The following FBXW8 variants were observed in gnomAD, a reference collection of about 807,000 sequenced individuals.
FBXW8 encodes the protein F-box and WD repeat domain containing 8.
Under a neutral mutation model 65.3 loss-of-function variants are expected in FBXW8, and 57 were observed. The ratio of observed to expected loss-of-function variants is 0.87; its 90% CI spans 0.71 to 1.09. FBXW8 has a LOEUF of 1.09. Among genes scored for constraint, FBXW8 ranks in the 50% least tolerant of loss-of-function variants. The probability of loss-of-function intolerance (pLI) is 0.00; values close to 1 mark genes in which losing one functional copy is unlikely to be tolerated. For missense variants in FBXW8, 777 were observed against 814.8 expected (o/e 0.95, Z 0.57); for synonymous variants, 308 against 330.2 (o/e 0.93, Z 0.73).
intron 2 of FBXW8, among the ~76,000 whole-genome samples, chr12:116,937,986 G>A (rs1395636504): frequency 6.6e-6 from 1 of 152,052 alleles, no homozygotes; most frequent in Non-Finnish European, 1.5e-5. Flanking sequence ...CAACTCTGGT[G>A]TATTAAAGAA....
chr12:116,989,767 T>C (rs1272706172), intron 7 of FBXW8, among the ~76,000 whole-genome samples: 6 of 152,232 alleles, frequency 3.9e-5, no homozygotes, highest in African/African-American at 1.4e-4. Context: ...GTTGGTGGGA[T>C]TCCTGCGAAG....
chr12:116,982,560 AGAT>A (rs1296927831), intron 5 of FBXW8, among the ~76,000 whole-genome samples: 1 of 152,116 alleles, frequency 6.6e-6, no homozygotes, highest in Non-Finnish European at 1.5e-5. Flanking sequence ...AAATCGAAAA[AGAT>A]GAAGACACAA....
At chr12:117,002,203 CG>C (rs1441464805) in intron 7 of FBXW8, among the ~76,000 whole-genome samples, 5 of 152,228 alleles carry the variant, frequency 3.3e-5, no homozygotes. Flanking sequence ...CCTGGAACAG[CG>C]GGGGTTGCAG....
intron 4 of FBXW8, 176 bp downstream of exon 4, chr12:116,949,882 C>T (rs935210779): frequency 4.7e-6 from 3 of 635,470 alleles, no homozygotes; most frequent in African/African-American, 1.8e-5. Context: ...CGTGAGAGCG[C>T]GCAGCAAGGG....
At chr12:117,019,959 G>A (rs1954051932) in intron 8 of FBXW8, among the ~76,000 whole-genome samples, 1 of 152,200 alleles carries the variant, frequency 6.6e-6, no homozygotes. Context: ...GTAGCCTAGA[G>A]GGCGAAGCGC....
At chr12:116,911,577 A>T (rs1326989071) in intron 1 of FBXW8, among the ~76,000 whole-genome samples, 1 of 152,160 alleles carries the variant, frequency 6.6e-6, no homozygotes, top group Non-Finnish European at 1.5e-5. Flanking sequence ...GTCTGCAGAC[A>T]TTTTTGGGTG....
chr12:117,013,945 G>T (rs374903223), intron 8 of FBXW8, among the ~76,000 whole-genome samples: 2 of 151,774 alleles, frequency 1.3e-5, no homozygotes, highest in Non-Finnish European at 2.9e-5. Flanking sequence ...TTTATTAAGC[G>T]TTTAGAATCT....
At chr12:116,992,349 T>C (rs995543355) in intron 7 of FBXW8, among the ~76,000 whole-genome samples, 1 of 151,934 alleles carries the variant, frequency 6.6e-6, no homozygotes, top group Non-Finnish European at 1.5e-5. Context: ...CCAGCAGTGT[T>C]ATGGGCCACG....
intron 5 of FBXW8, among the ~76,000 whole-genome samples, chr12:116,984,867 G>A (rs12308162): frequency 0.02 from 3,094 of 152,292 alleles, 101 homozygotes; most frequent in African/African-American, 0.071. Context: ...GCACACGCCT[G>A]TAGTCCTGTC....
intron 7 of FBXW8, among the ~76,000 whole-genome samples, chr12:116,989,664 C>T (rs1320752683): frequency 2.0e-5 from 3 of 152,226 alleles, no homozygotes; most frequent in African/African-American, 7.2e-5. Context: ...TTATAGAACT[C>T]TCCCTACCAG....
Position 117,027,438 on chromosome 12 carries a change from C to A in FBXW8, c.1586C>A (p.Thr529Lys), listed in dbSNP as rs80100705. The change falls in exon 10 of 11, where the codon ACG (threonine) becomes AAG (lysine). Residue 529 changes from threonine to lysine, a missense_variant. Transcript: ENST00000652555. ...HISFSSHSLI[T>K]ANVPYQTVMR... ...TCATTCAGCAGCCACAGCCTCATCA[C>A]GGCCAACGTGCCTTACCAGACGGTA... The A allele has an allele frequency of 1.9e-6, 3 of 1,614,192 alleles. No individual in the cohort carries two copies. The Admixed American group carries it at 5.0e-5, about 27-fold the overall frequency.
At chr12:116,959,147 C>G (rs574938310) in intron 4 of FBXW8, among the ~76,000 whole-genome samples, 1 of 152,332 alleles carries the variant, frequency 6.6e-6, no homozygotes, top group South Asian at 2.1e-4. Context: ...GTTGCATCTG[C>G]TCAGCTCCCA....
chr12:116,979,224 C>G, intron 5 of FBXW8: 1 of 152,226 alleles, frequency 6.6e-6, no homozygotes, highest in East Asian at 1.9e-4. Context: ...TCAGTTTAAA[C>G]TCATTTAGAT....
At chr12:116,925,834 C>T (rs1284109433) in intron 1 of FBXW8, among the ~76,000 whole-genome samples, 7 of 152,170 alleles carry the variant, frequency 4.6e-5, no homozygotes, top group African/African-American at 1.7e-4. Flanking sequence ...GTGGTTATAT[C>T]TCTTTTACAG....
chr12:116,973,439 T>C (rs767054947), intron 5 of FBXW8, among the ~76,000 whole-genome samples: 2 of 152,196 alleles, frequency 1.3e-5, no homozygotes, highest in Non-Finnish European at 2.9e-5. Flanking sequence ...TCAGGAAATC[T>C]AACAGGAACC....
intron 7 of FBXW8, 65 bp from the exon 8 acceptor site, chr12:117,010,257 TG>T: frequency 1.9e-6 from 3 of 1,608,246 alleles, no homozygotes; most frequent in South Asian, 1.1e-5. Context: ...GATGGTGAAA[TG>T]AAAGTATTTG....
intron 2 of FBXW8, 47 bp from the exon 3 acceptor site, chr12:116,945,316 CT>C: frequency 1.3e-6 from 2 of 1,575,680 alleles, no homozygotes; most frequent in Non-Finnish European, 1.7e-6. Flanking sequence ...TGACAAGGGG[CT>C]TCTCTAATTG....
Position 117,020,739 on chromosome 12 carries a change from G to A in FBXW8, c.1368-3408G>A, listed in dbSNP as rs532967061. On this transcript the variant is annotated intron_variant, in intron 8 of 10. Coordinates refer to ENST00000652555, the MANE Select transcript of FBXW8 (RefSeq NM_153348.3). Reference sequence around the variant, plus strand: ...ATGAAACCACGGAGCTGAGCCTGGCGCTTGCCAGCAGCCTCCCCTCCCCTG... The same window carrying A: ...ATGAAACCACGGAGCTGAGCCTGGCACTTGCCAGCAGCCTCCCCTCCCCTG... Among the ~76,000 whole-genome samples, 10 of 152,308 alleles carry A rather than the reference G, an allele frequency of 6.6e-5. No homozygotes were observed. In the East Asian group the frequency reaches 1.3e-3, roughly 21 times the overall value.
Position 116,988,801 on chromosome 12 carries a change from C to T in FBXW8, c.1171C>T (p.Leu391=). The change falls in exon 7 of 11, where the codon CTA becomes TTA. Residue 391 remains leucine, a synonymous_variant. Transcript: ENST00000652555. ...LYAHGPPVTC[L]DVSANQVAFG... is the part of the protein sequence containing the mutation. ...CGCCCACGGCCCGCCTGTCACATGT[C>T]TAGACGTCTCGGCCAACCAAGTTGC... 6.2e-7 allele frequency: 1 copy of T among 1,614,174 alleles called. No homozygotes were observed.
Sources: gnomAD v4.1 joint callset for allele counts (sites outside exome capture counted in the v4.1 genomes callset) on GRCh38, gnomAD v4.1.1 for gene constraint, MANE v1.5 for transcripts, NCBI Gene and HGNC (gene_info 2026-07-23, HGNC 2026-07-21) for gene names.